LY75: variants seen among roughly 807,000 people sequenced by gnomAD.
The protein encoded by LY75 is C-type lectin domain family 13 member B.
LY75 carries 185 observed loss-of-function variants against 231.7 expected under a neutral mutation model. The ratio of observed to expected loss-of-function variants is 0.80; its 90% CI spans 0.71 to 0.90. LY75 has a LOEUF of 0.90. Among genes scored for constraint, LY75 ranks in the 40% least tolerant of loss-of-function variants. LY75 has a pLI of 0.00. For synonymous variants in LY75, 668 were observed against 689.0 expected (o/e 0.97, Z 0.48); for missense variants, 1,947 against 2,050.2 (o/e 0.95, Z 0.97).
At chr2:159,898,426 A>C (rs930021215) in intron 2 of LY75, among the ~76,000 whole-genome samples, 1 of 152,142 alleles carries the variant, frequency 6.6e-6, no homozygotes, top group Admixed American at 6.5e-5. Context: ...TATCTATCTG[A>C]TGAAATCCCA....
rs115972560 is a variant in LY75, at chr2:159,863,561, C to T, written c.2199+1278G>A. On this transcript the variant is annotated intron_variant, in intron 14 of 34. Transcript: ENST00000263636. ...TTCCCTGATGATTAGTGATGTTGAG[C>T]ATTTTTTCCTATGACTGTTGGCCAT... Among the ~76,000 whole-genome samples, 520 of 152,264 alleles carry T rather than the reference C, an allele frequency of 3.4e-3. 4 individuals carry two copies. The highest frequency in any genetic ancestry group is 0.012 in the African/African-American group (511 of 41,552).
At chr2:159,809,210 C>A (rs372214351) in intron 32 of LY75, among the ~76,000 whole-genome samples, 24 of 152,306 alleles carry the variant, frequency 1.6e-4, no homozygotes, top group African/African-American at 5.5e-4. Flanking sequence ...GGCTAATTTG[C>A]TACCCAAGGA....
chr2:159,852,392 A>AT, intron 20 of LY75, 52 bp from the exon 21 acceptor site: 1 of 1,550,594 alleles, frequency 6.4e-7, no homozygotes, highest in South Asian at 1.2e-5. Flanking sequence ...CAGTCAGTAC[A>AT]TTTTTATTTT....
intron 12 of LY75, among the ~76,000 whole-genome samples, chr2:159,874,710 G>A (rs1188241401): frequency 6.0e-4 from 3 of 4,980 alleles, no homozygotes; most frequent in African/African-American, 8.9e-4. Context: ...GTAAATATAT[G>A]TAAATATATA....
chr2:159,891,809 G>A (rs1685766624), intron 3 of LY75, among the ~76,000 whole-genome samples: 1 of 152,224 alleles, frequency 6.6e-6, no homozygotes, highest in African/African-American at 2.4e-5. Flanking sequence ...TCATTTCACT[G>A]ATCTGGGCCT....
chr2:159,831,596 G>T, intron 28 of LY75, 74 bp downstream of exon 28: 1 of 1,495,012 alleles, frequency 6.7e-7, no homozygotes, highest in Middle Eastern at 1.8e-4. Context: ...GTACTTTGAA[G>T]AACTATGGCT....
chr2:159,865,711 G>T (rs950910746), intron 13 of LY75, among the ~76,000 whole-genome samples: 1 of 152,174 alleles, frequency 6.6e-6, no homozygotes, highest in Non-Finnish European at 1.5e-5. Context: ...TGTGAGGTTG[G>T]TAGGACAAAA....
chr2:159,851,076 TCTC>T lies in LY75; in HGVS notation c.2884-612_2884-610del, dbSNP rs562892688. On this transcript the variant is annotated intron_variant, in intron 21 of 34. Coordinates refer to ENST00000263636, the MANE Select transcript of LY75 (RefSeq NM_002349.4). ...TCAAAATCTGTGTCCTTAATCATCA[TCTC>T]CTTATGTCAAGAAACACTGTTGAAA... Among the ~76,000 whole-genome samples, 8 of 151,912 alleles carry T rather than the reference TCTC, an allele frequency of 5.3e-5. No individual in the cohort carries two copies. The South Asian group carries it at 1.7e-3, about 32-fold the overall frequency.
chr2:159,855,418 T>C (rs1343619782), intron 16 of LY75, among the ~76,000 whole-genome samples: 2 of 152,174 alleles, frequency 1.3e-5, no homozygotes, highest in African/African-American at 4.8e-5. Flanking sequence ...TTCCAAGATA[T>C]CCTTGGAAAC....
intron 12 of LY75, among the ~76,000 whole-genome samples, chr2:159,874,198 TAA>T (rs1685121184): frequency 1.0e-5 from 1 of 98,170 alleles, no homozygotes; most frequent in East Asian, 2.5e-4. Flanking sequence ...AAATATATTG[TAA>T]ATATATATAG....
chr2:159,842,031 T>C (rs1684046640), intron 24 of LY75, among the ~76,000 whole-genome samples: 1 of 152,086 alleles, frequency 6.6e-6, no homozygotes, highest in African/African-American at 2.4e-5. Flanking sequence ...TTTTATAGTA[T>C]TAAAAAATTT....
chr2:159,860,990 G>A, intron 14 of LY75, 101 bp from the exon 15 acceptor site: 2 of 1,245,504 alleles, frequency 1.6e-6, no homozygotes, highest in South Asian at 1.3e-5. Context: ...GCGTTGATAT[G>A]CCACAGAAAG....
chr2:159,866,357 A>G (rs1156871151), intron 13 of LY75, among the ~76,000 whole-genome samples: 2 of 152,176 alleles, frequency 1.3e-5, no homozygotes, highest in Non-Finnish European at 2.9e-5. Context: ...TTTAACAACA[A>G]TAAGTACTTT....
intron 12 of LY75, among the ~76,000 whole-genome samples, chr2:159,874,335 T>A (rs1220472034): frequency 1.3e-5 from 1 of 75,850 alleles, no homozygotes; most frequent in Admixed American, 1.6e-4. Flanking sequence ...TAAATCTATA[T>A]AAATATATAC....
intron 6 of LY75, among the ~76,000 whole-genome samples, chr2:159,883,057 G>A (rs931398102): frequency 1.6e-4 from 24 of 146,504 alleles, no homozygotes; most frequent in Admixed American, 6.5e-4. Context: ...TGGTTACTCA[G>A]ACTTCACTGA....
intron 34 of LY75, among the ~76,000 whole-genome samples, chr2:159,806,174 T>C (rs1450926477): frequency 6.6e-6 from 1 of 152,220 alleles, no homozygotes; most frequent in Non-Finnish European, 1.5e-5. Flanking sequence ...TTTTCCTCTC[T>C]TTAAAAAATT....
In LY75 at chr2:159,875,662, G is replaced by A. The variant is rs770006093; in HGVS notation, c.1775-19C>T. ...GGGGAAGCTGGGATTGAAGTGGAAA[G>A]CTCAATTAAAAATTAAAACGTTAAA... On this transcript the variant is annotated intron_variant, in intron 11 of 34. Transcript: ENST00000263636. 1.2e-6 allele frequency: 2 copies of A among 1,610,600 alleles called. No individual in the cohort carries two copies. The highest frequency in any genetic ancestry group is 2.2e-5 in the South Asian group (2 of 90,566).
intron 12 of LY75, 83 bp from the exon 13 acceptor site, chr2:159,872,676 G>A (rs1685052342): frequency 2.1e-6 from 3 of 1,444,252 alleles, no homozygotes; most frequent in South Asian, 1.3e-5. Context: ...TGTCACATGT[G>A]TGGGCCCCTG....
At chr2:159,862,563 TAAAA>T (rs767220826) in intron 14 of LY75, among the ~76,000 whole-genome samples, 9 of 152,184 alleles carry the variant, frequency 5.9e-5, no homozygotes, top group Non-Finnish European at 1.3e-4. Flanking sequence ...TTTTTAAAAA[TAAAA>T]AGAAGACTTG....
Sources: gnomAD v4.1 joint callset for allele counts (sites outside exome capture counted in the v4.1 genomes callset) on GRCh38, gnomAD v4.1.1 for gene constraint, MANE v1.5 for transcripts, NCBI Gene and HGNC (gene_info 2026-07-23, HGNC 2026-07-21) for gene names.